Variants in MAPK10 observed in about 807,000 individuals in gnomAD.
The protein encoded by MAPK10 is JNK3 alpha protein kinase.
A neutral mutation model predicts 59.3 loss-of-function variants in MAPK10; 25 were observed. The observed-to-expected ratio is 0.42, with a 90% CI of 0.31 to 0.59. MAPK10 has a LOEUF of 0.59. MAPK10 is among the 20% of genes least tolerant of loss of function. MAPK10 has a pLI of 0.15. For synonymous variants in MAPK10, 190 were observed against 200.5 expected (o/e 0.95, Z 0.44); for missense variants, 351 against 568.9 (o/e 0.62, Z 3.90).
At chr4:86,534,768 T>G (rs1369295456) in intron 1 of MAPK10, among the ~76,000 whole-genome samples, 1 of 151,908 alleles carries the variant, frequency 6.6e-6, no homozygotes, top group Non-Finnish European at 1.5e-5. Context: ...TAGCCAAGCG[T>G]AGTGGCACAC....
At chr4:86,358,310 C>A (rs1364696872) in intron 1 of MAPK10, 2 of 985,292 alleles carry the variant, frequency 2.0e-6, no homozygotes, top group African/African-American at 1.7e-5. Context: ...CAGGGTCCGA[C>A]AACTAGCCGA....
At chr4:86,113,787 G>C (rs540145569) in intron 4 of MAPK10, among the ~76,000 whole-genome samples, 1 of 152,312 alleles carries the variant, frequency 6.6e-6, no homozygotes, top group South Asian at 2.1e-4. Context: ...TGTTCTCCTG[G>C]ATGATATTTT....
chr4:86,440,904 T>C (rs77086981), intron 1 of MAPK10, among the ~76,000 whole-genome samples: 21,088 of 152,118 alleles, frequency 0.14, 1,596 homozygotes, highest in East Asian at 0.24. Flanking sequence ...TTTCTCTCTG[T>C]ATTTTCTGAT....
intron 1 of MAPK10, among the ~76,000 whole-genome samples, chr4:86,355,667 A>G (rs958723094): frequency 5.9e-5 from 9 of 152,270 alleles, no homozygotes; most frequent in African/African-American, 2.2e-4. Context: ...GTGTGTCCCT[A>G]TTGTGTGCCA....
intron 2 of MAPK10, among the ~76,000 whole-genome samples, chr4:86,259,944 C>A (rs10006000): frequency 0.019 from 2,927 of 152,090 alleles, 102 homozygotes; most frequent in African/African-American, 0.067. Flanking sequence ...ATTACATATA[C>A]AATGGAGTTT....
intron 4 of MAPK10, chr4:86,120,542 T>C (rs1215703772): frequency 6.6e-6 from 1 of 152,186 alleles, no homozygotes; most frequent in Non-Finnish European, 1.5e-5. Context: ...ATCAGGATGG[T>C]GACATTGGAG....
intron 4 of MAPK10, among the ~76,000 whole-genome samples, chr4:86,114,883 A>T (rs1172612458): frequency 6.6e-6 from 1 of 152,232 alleles, no homozygotes; most frequent in Non-Finnish European, 1.5e-5. Context: ...CAATTTCTGC[A>T]GGGAGGCCCT....
At chr4:86,062,376 C>T (rs901580149) in intron 11 of MAPK10, among the ~76,000 whole-genome samples, 64 of 152,032 alleles carry the variant, frequency 4.2e-4, no homozygotes, top group African/African-American at 1.5e-3. Flanking sequence ...ATTTTAGTAT[C>T]CTAAATTTTA....
intron 1 of MAPK10, among the ~76,000 whole-genome samples, chr4:86,434,156 T>C (rs553804061): frequency 6.6e-6 from 1 of 152,258 alleles, no homozygotes; most frequent in East Asian, 1.9e-4. Context: ...GACAGTCTTT[T>C]CAATAGACGA....
In MAPK10 at chr4:86,365,487, T is replaced by C. The variant is rs75890352; in HGVS notation, c.-121-10843A>G. ...AAAAAAATTCTCACCTTGTACTTGA[T>C]TATGACTTAATCCTCTATTTCTCAT... On this transcript the variant is annotated intron_variant, in intron 1 of 13. Transcript: ENST00000361569. Among the ~76,000 whole-genome samples the C allele has an allele frequency of 2.6e-4, 38 of 147,172 alleles. 1 individual carries two copies. Among genetic ancestry groups the C allele is most frequent in the African/African-American group, 8.7e-4 (35 of 40,122 alleles).
intron 1 of MAPK10, among the ~76,000 whole-genome samples, chr4:86,481,627 T>C (rs975014275): frequency 3.3e-5 from 5 of 152,136 alleles, no homozygotes; most frequent in African/African-American, 1.2e-4. Flanking sequence ...GTTTCCCCAG[T>C]AGTGAGTTAA....
At chr4:86,020,150 G>A (rs985835697) in intron 13 of MAPK10, 34 of 152,264 alleles carry the variant, frequency 2.2e-4, no homozygotes, top group African/African-American at 8.2e-4. Context: ...TGCCTGTTCT[G>A]AACATTTCAT....
chr4:86,504,160 C>T (rs752002488), intron 1 of MAPK10, among the ~76,000 whole-genome samples: 13 of 152,114 alleles, frequency 8.5e-5, no homozygotes, highest in Non-Finnish European at 1.6e-4. Flanking sequence ...TGTCTCTTCT[C>T]ACTAAAATAT....
At chr4:86,241,968 T>C (rs1037062200) in intron 2 of MAPK10, among the ~76,000 whole-genome samples, 1 of 152,148 alleles carries the variant, frequency 6.6e-6, no homozygotes, top group African/African-American at 2.4e-5. Flanking sequence ...CCTCGTGAGT[T>C]TGTCTAGTTT....
At chr4:86,084,369 C>T (rs1490527390) in intron 9 of MAPK10, among the ~76,000 whole-genome samples, 1 of 152,136 alleles carries the variant, frequency 6.6e-6, no homozygotes, top group Non-Finnish European at 1.5e-5. Context: ...AAGACTCCAT[C>T]AAAAAACTAT....
At chr4:86,349,451 T>A (rs774880305) in intron 2 of MAPK10, among the ~76,000 whole-genome samples, 2 of 152,234 alleles carry the variant, frequency 1.3e-5, no homozygotes, top group Non-Finnish European at 2.9e-5. Context: ...TGTCAGGCGC[T>A]GTATGAGGTA....
intron 1 of MAPK10, among the ~76,000 whole-genome samples, chr4:86,560,655 C>T (rs1213668645): frequency 6.6e-6 from 1 of 152,228 alleles, no homozygotes; most frequent in Admixed American, 6.5e-5. Context: ...AGTAGTAATA[C>T]ATTGGCAATT....
intron 4 of MAPK10, among the ~76,000 whole-genome samples, chr4:86,151,650 A>G (rs942424968): frequency 6.6e-6 from 1 of 152,162 alleles, no homozygotes; most frequent in Admixed American, 6.5e-5. Context: ...AAGTTAATCC[A>G]GCAGGAGTGT....
Position 86,107,372 on chromosome 4 carries a change from A to G in MAPK10, c.237-20T>C. 6.3e-7 allele frequency: 1 copy of G among 1,596,756 alleles called. No homozygotes were observed. The highest frequency in any genetic ancestry group is 1.8e-5 in the Admixed American group (1 of 55,116). On this transcript the variant is annotated intron_variant, in intron 4 of 13. Coordinates refer to ENST00000641462, the MANE Select transcript of MAPK10 (RefSeq NM_138982.4). ...GCGGCACTGTAGAGATCCAAGAGCA[A>G]CTCAGAATTAAGAACAAAAGATTCC...
Sources: gnomAD v4.1 joint callset for allele counts (sites outside exome capture counted in the v4.1 genomes callset) on GRCh38, gnomAD v4.1.1 for gene constraint, MANE v1.5 for transcripts, NCBI Gene and HGNC (gene_info 2026-07-23, HGNC 2026-07-21) for gene names.